The following SPATA6 variants were observed in gnomAD, a reference collection of about 807,000 sequenced individuals.
SPATA6 encodes spermatogenesis associated 6.
SPATA6 carries 56 observed loss-of-function variants against 65.3 expected under a neutral mutation model. The observed-to-expected ratio is 0.86, with a 90% CI of 0.69 to 1.07. The LOEUF (loss-of-function observed/expected upper bound fraction) is 1.07, where lower values mean the gene tolerates loss of function less well. Ranked by LOEUF, SPATA6 falls within the 50% of genes least tolerant of loss-of-function variation. The pLI, the probability that SPATA6 is intolerant of heterozygous loss-of-function variation, is 0.00. For synonymous variants in SPATA6, 199 were observed against 213.2 expected, an observed-to-expected ratio of 0.93 and a Z score of 0.58; for missense variants, 590 against 594.8, an observed-to-expected ratio of 0.99 and a Z score of 0.08.
chr1:48,281,805 G>T, the SPATA6 span, among the ~76,000 whole-genome samples: 7 of 152,094 alleles, frequency 4.6e-5, no homozygotes, highest in Admixed American at 4.6e-4. Flanking sequence ...AGCTACCAAT[G>T]ACTTTCTTCA....
the SPATA6 span, among the ~76,000 whole-genome samples, chr1:48,286,660 C>A: frequency 3.3e-5 from 5 of 151,994 alleles, no homozygotes; most frequent in South Asian, 8.3e-4. Flanking sequence ...ACTGATTATT[C>A]TGGCTAGGTA....
At chr1:48,292,347 CACA>C (rs539782547), downstream of SPATA6, among the ~76,000 whole-genome samples, 2 of 152,148 alleles carry the variant, frequency 1.3e-5, no homozygotes, top group South Asian at 2.1e-4. Context: ...AGCCAGGGTC[CACA>C]ACATTTGGCA....
the SPATA6 span, among the ~76,000 whole-genome samples, chr1:48,277,662 A>C: frequency 1.4e-4 from 21 of 152,230 alleles, no homozygotes; most frequent in African/African-American, 5.1e-4. Context: ...TGCTTAGGTA[A>C]ACAAAGCAGC....
At chr1:48,352,921 A>AT (rs11425827) in intron 11 of SPATA6, among the ~76,000 whole-genome samples, 16 of 143,084 alleles carry the variant, frequency 1.1e-4, no homozygotes, top group Admixed American at 7.7e-4. Context: ...AAAAAAAAAA[A>AT]TGACTTTTAA....
intron 12 of SPATA6, among the ~76,000 whole-genome samples, chr1:48,305,217 C>T (rs1398887424): frequency 6.6e-6 from 1 of 152,142 alleles, no homozygotes; most frequent in East Asian, 1.9e-4. Context: ...GTTTGTTCCT[C>T]AGGAATCTCA....
At chr1:48,345,480 A>C (rs1466294424) in intron 11 of SPATA6, among the ~76,000 whole-genome samples, 1 of 152,158 alleles carries the variant, frequency 6.6e-6, no homozygotes, top group East Asian at 1.9e-4. Context: ...GGCAGAAGAC[A>C]AGAAATAACC....
chr1:48,333,632 G>C (rs1405337802), intron 11 of SPATA6, among the ~76,000 whole-genome samples: 1 of 152,144 alleles, frequency 6.6e-6, no homozygotes, highest in Non-Finnish European at 1.5e-5. Flanking sequence ...GAATCTCTGG[G>C]ACAAAGCTGA....
intron 11 of SPATA6, among the ~76,000 whole-genome samples, chr1:48,329,595 C>T (rs1645857055): frequency 6.6e-6 from 1 of 152,134 alleles, no homozygotes; most frequent in African/African-American, 2.4e-5. Context: ...GTGGGCGGGG[C>T]CAATATGGCA....
the SPATA6 span, among the ~76,000 whole-genome samples, chr1:48,272,663 T>G: frequency 6.6e-6 from 1 of 152,168 alleles, no homozygotes; most frequent in Non-Finnish European, 1.5e-5. Flanking sequence ...GATACCTCTT[T>G]GCAATTCTTA....
At chr1:48,439,614 C>T (rs1655276607) in intron 3 of SPATA6, among the ~76,000 whole-genome samples, 1 of 152,224 alleles carries the variant, frequency 6.6e-6, no homozygotes, top group South Asian at 2.1e-4. Flanking sequence ...GGTCCAGGGA[C>T]CGTTGTAGGT....
chr1:48,459,204 CAA>C (rs35079974), intron 1 of SPATA6, among the ~76,000 whole-genome samples: 1 of 66,404 alleles, frequency 1.5e-5, no homozygotes. Context: ...GACTCCATAT[CAA>C]AAAAAAAAAA....
At chr1:48,469,231 A>G (rs888152213) in intron 1 of SPATA6, among the ~76,000 whole-genome samples, 1 of 152,222 alleles carries the variant, frequency 6.6e-6, no homozygotes, top group Non-Finnish European at 1.5e-5. Context: ...TAAAAAATTT[A>G]TACATAAACA....
intron 7 of SPATA6, among the ~76,000 whole-genome samples, chr1:48,396,447 G>A (rs988056162): frequency 3.3e-5 from 5 of 151,588 alleles, no homozygotes; most frequent in Non-Finnish European, 3.0e-5. Context: ...TTACAGCAGC[G>A]TTATTCACAC....
At chr1:48,436,032 G>T in intron 3 of SPATA6, 1 of 1,609,126 alleles carries the variant, frequency 6.2e-7, no homozygotes, top group East Asian at 2.2e-5. Context: ...CTGAAAAACA[G>T]TCTGAAACCA....
chr1:48,385,616 T>C (rs1289078500), intron 8 of SPATA6, among the ~76,000 whole-genome samples: 1 of 152,192 alleles, frequency 6.6e-6, no homozygotes, highest in Non-Finnish European at 1.5e-5. Flanking sequence ...TTTTAGTCGA[T>C]AAACCAATTT....
At chr1:48,368,647 A>C (rs1046611868) in intron 9 of SPATA6, among the ~76,000 whole-genome samples, 2 of 152,216 alleles carry the variant, frequency 1.3e-5, no homozygotes, top group African/African-American at 4.8e-5. Context: ...CAGCTCCATT[A>C]GCTCCTTTAA....
rs184544016 is a variant in SPATA6, at chr1:48,437,612, C to T, written c.238+13940G>A. On this transcript the variant is annotated intron_variant, in intron 3 of 12. Transcript: ENST00000371847. ...CATCTTCTTCTCCCAGATTCTCTGG[C>T]CTTTTTAATGAGCTATTGTTAAACC... 1.7e-3 allele frequency among the ~76,000 whole-genome samples: 264 copies of T among 152,290 alleles called. 2 individuals carry two copies. In the East Asian group the frequency reaches 0.017, roughly 10 times the overall value.
At chr1:48,342,969 C>A (rs988920323) in intron 11 of SPATA6, among the ~76,000 whole-genome samples, 13 of 152,098 alleles carry the variant, frequency 8.5e-5, no homozygotes, top group African/African-American at 1.2e-4. Flanking sequence ...GAGGAACAAA[C>A]CACCAGTAGT....
chr1:48,384,170 C>T (rs1228936237), intron 9 of SPATA6, among the ~76,000 whole-genome samples: 6 of 149,042 alleles, frequency 4.0e-5, no homozygotes, highest in African/African-American at 1.5e-4. Context: ...CCCGTCTCCA[C>T]CAAAAAAAAA....
Sources: allele counts gnomAD v4.1 joint callset (sites outside exome capture counted in the v4.1 genomes callset), GRCh38; gene constraint gnomAD v4.1.1; transcripts MANE v1.5; gene names NCBI Gene and HGNC (gene_info 2026-07-23, HGNC 2026-07-21).